The following FBXL7 variants were observed in gnomAD, a reference collection of about 807,000 sequenced individuals.
FBXL7 encodes the protein F-box/LRR-repeat protein 7.
FBXL7 carries 12 observed loss-of-function variants against 38.3 expected under a neutral mutation model. That is an observed-to-expected ratio of 0.31 (90% CI 0.20 to 0.51). The LOEUF is 0.51. FBXL7 is among the 20% of genes least tolerant of loss of function. The pLI, the probability that FBXL7 is intolerant of heterozygous loss-of-function variation, is 0.98. For missense variants in FBXL7, 567 were observed against 676.4 expected, an observed-to-expected ratio of 0.84 and a Z score of 1.79; for synonymous variants, 297 against 300.9, an observed-to-expected ratio of 0.99 and a Z score of 0.13.
chr5:15,506,330 GTGGAGTTGC>G (rs1736650322), intron 1 of FBXL7, among the ~76,000 whole-genome samples: 1 of 151,980 alleles, frequency 6.6e-6, no homozygotes, highest in Non-Finnish European at 1.5e-5. Flanking sequence ...TGTCTACAGT[GTGGAGTTGC>G]TGGACCTCCC....
intron 2 of FBXL7, among the ~76,000 whole-genome samples, chr5:15,903,290 G>GGA (rs1741276407): frequency 6.6e-6 from 1 of 152,164 alleles, no homozygotes. Flanking sequence ...TCAGGGGTTG[G>GGA]GAGAAGGGGT....
At chr5:15,809,695 C>T (rs375661283) in intron 2 of FBXL7, among the ~76,000 whole-genome samples, 3 of 151,862 alleles carry the variant, frequency 2.0e-5, no homozygotes, top group African/African-American at 7.3e-5. Flanking sequence ...CAGTGATAGT[C>T]AGTTTACAGC....
chr5:15,693,720 G>T (rs1298370232), intron 2 of FBXL7, among the ~76,000 whole-genome samples: 3 of 152,190 alleles, frequency 2.0e-5, no homozygotes, highest in Non-Finnish European at 2.9e-5. Flanking sequence ...ACCGACAGAT[G>T]CTGGAAGGCC....
chr5:15,592,371 G>A (rs930528571), intron 1 of FBXL7, among the ~76,000 whole-genome samples: 1 of 152,070 alleles, frequency 6.6e-6, no homozygotes, highest in Non-Finnish European at 1.5e-5. Flanking sequence ...AGGGATCATG[G>A]GCAATTTAAG....
At chr5:15,731,494 G>A (rs1193607906) in intron 2 of FBXL7, among the ~76,000 whole-genome samples, 1 of 152,128 alleles carries the variant, frequency 6.6e-6, no homozygotes, top group African/African-American at 2.4e-5. Flanking sequence ...CAAAACTCAT[G>A]GGAATTCTGG....
intron 2 of FBXL7, among the ~76,000 whole-genome samples, chr5:15,648,931 A>G (rs1442786887): frequency 2.0e-5 from 3 of 149,616 alleles, no homozygotes; most frequent in Non-Finnish European, 4.4e-5. Flanking sequence ...TTGTTCTTAC[A>G]CTTTTAGGAA....
chr5:15,548,461 T>C (rs1349924325), intron 1 of FBXL7, among the ~76,000 whole-genome samples: 1 of 152,194 alleles, frequency 6.6e-6, no homozygotes, highest in Non-Finnish European at 1.5e-5. Context: ...GGAGGTGCTC[T>C]CAGTATGCCT....
intron 2 of FBXL7, among the ~76,000 whole-genome samples, chr5:15,628,332 GA>G (rs34907744): frequency 0.25 from 38,374 of 152,000 alleles, 5,065 homozygotes; most frequent in Middle Eastern, 0.3. Flanking sequence ...GGTGTAGGAG[GA>G]TATCCAGGAG....
intron 1 of FBXL7, among the ~76,000 whole-genome samples, chr5:15,511,197 C>T (rs1181113016): frequency 6.6e-6 from 1 of 152,146 alleles, no homozygotes; most frequent in African/African-American, 2.4e-5. Context: ...TGTTCCCTTT[C>T]CAAAAGAAAA....
At chr5:15,736,989 A>T (rs1735774846) in intron 2 of FBXL7, among the ~76,000 whole-genome samples, 1 of 152,118 alleles carries the variant, frequency 6.6e-6, no homozygotes, top group Non-Finnish European at 1.5e-5. Context: ...CACCTATAAC[A>T]ACTCATGAGG....
At chr5:15,861,392 G>A (rs1739465919) in intron 2 of FBXL7, among the ~76,000 whole-genome samples, 1 of 152,196 alleles carries the variant, frequency 6.6e-6, no homozygotes, top group African/African-American at 2.4e-5. Flanking sequence ...GCCCTCTCTT[G>A]CTCAGCCACC....
intron 2 of FBXL7, among the ~76,000 whole-genome samples, chr5:15,810,034 C>G (rs1353960870): frequency 1.3e-5 from 2 of 152,128 alleles, no homozygotes; most frequent in Non-Finnish European, 2.9e-5. Flanking sequence ...TAACTCTAAT[C>G]TATTTTGGTG....
chr5:15,844,318 T>C (rs993464464), intron 2 of FBXL7, among the ~76,000 whole-genome samples: 1 of 152,206 alleles, frequency 6.6e-6, no homozygotes, highest in Non-Finnish European at 1.5e-5. Flanking sequence ...GAAGCAAGCC[T>C]CTCCTTCTTT....
intron 2 of FBXL7, among the ~76,000 whole-genome samples, chr5:15,747,176 A>G (rs1736038118): frequency 6.6e-6 from 1 of 152,336 alleles, no homozygotes; most frequent in Middle Eastern, 3.4e-3. Flanking sequence ...TTTCAAGAAA[A>G]ACGAGGCAAT....
chr5:15,582,384 ATCT>A (rs1739172153), intron 1 of FBXL7, among the ~76,000 whole-genome samples: 1 of 152,198 alleles, frequency 6.6e-6, no homozygotes, highest in South Asian at 2.1e-4. Context: ...GATCAATTTG[ATCT>A]TCTCTGTTCT....
intron 1 of FBXL7, among the ~76,000 whole-genome samples, chr5:15,524,778 G>A (rs1737204299): frequency 6.6e-6 from 1 of 152,210 alleles, no homozygotes; most frequent in African/African-American, 2.4e-5. Flanking sequence ...TATAATGTGA[G>A]TAACCCACAA....
At chr5:15,577,591 A>C (rs1580381480) in intron 1 of FBXL7, among the ~76,000 whole-genome samples, 2 of 120,650 alleles carry the variant, frequency 1.7e-5, no homozygotes, top group Middle Eastern at 8.4e-3. Flanking sequence ...TATGTAATGC[A>C]TTTTGTGTGT....
chr5:15,873,013 T>C (rs1157447842), intron 2 of FBXL7, among the ~76,000 whole-genome samples: 1 of 152,114 alleles, frequency 6.6e-6, no homozygotes, highest in Non-Finnish European at 1.5e-5. Context: ...TATTCTAAAA[T>C]CAACCACATA....
chr5:15,573,289 TAG>T lies in FBXL7; in HGVS notation c.38-42691_38-42690del, dbSNP rs144453295. 6.2e-3 allele frequency among the ~76,000 whole-genome samples: 944 copies of T among 152,280 alleles called. 9 individuals carry two copies. Among genetic ancestry groups the T allele is most frequent in the African/African-American group, 0.022 (902 of 41,558 alleles). ...CATGTCTTTGAGTCTCAGGAGAATG[TAG>T]AGTGTCTACAAAAGCATGTGCATTC... On this transcript the variant is annotated intron_variant, in intron 1 of 3. Transcript: ENST00000504595.
Sources: allele counts gnomAD v4.1 joint callset (sites outside exome capture counted in the v4.1 genomes callset), GRCh38; gene constraint gnomAD v4.1.1; transcripts MANE v1.5; gene names NCBI Gene and HGNC (gene_info 2026-07-23, HGNC 2026-07-21).